Variants in NDUFAF6 observed in about 807,000 individuals in gnomAD.
NDUFAF6 encodes NADH:ubiquinone oxidoreductase complex assembly factor 6.
In NDUFAF6, 45 loss-of-function variants were observed where a neutral mutation model predicts 40.8. That is an observed-to-expected ratio of 1.10 (90% CI 0.87 to 1.42). The LOEUF (loss-of-function observed/expected upper bound fraction) is 1.42, where lower values mean the gene tolerates loss of function less well. Ranked by LOEUF, NDUFAF6 falls within the 40% of genes most tolerant of loss-of-function variation. NDUFAF6 has a pLI of 0.00. For missense variants in NDUFAF6, 435 were observed against 418.5 expected (o/e 1.04, Z -0.34); for synonymous variants, 185 against 155.9 (o/e 1.19, Z -1.39).
chr8:95,106,448 G>T (rs1447777701), downstream of NDUFAF6, among the ~76,000 whole-genome samples: 1 of 152,088 alleles, frequency 6.6e-6, no homozygotes, highest in Non-Finnish European at 1.5e-5. Context: ...ACTGAAACTG[G>T]ACCCCTTCCT....
At chr8:95,080,781 T>A (rs1808834269), downstream of NDUFAF6, among the ~76,000 whole-genome samples, 1 of 152,154 alleles carries the variant, frequency 6.6e-6, no homozygotes, top group Non-Finnish European at 1.5e-5. Flanking sequence ...GTGCTGAGAT[T>A]ACAGGCATGA....
intron 2 of NDUFAF6, among the ~76,000 whole-genome samples, chr8:94,998,403 C>T (rs1173318082): frequency 6.6e-6 from 1 of 152,028 alleles, no homozygotes; most frequent in African/African-American, 2.4e-5. Context: ...CACACACACA[C>T]ACACACACAC....
At chr8:94,955,475 C>T (rs1563745878), upstream of NDUFAF6, among the ~76,000 whole-genome samples, 1 of 152,232 alleles carries the variant, frequency 6.6e-6, no homozygotes. Context: ...AAAGGTCCAC[C>T]TGTCAACACT....
chr8:95,049,472 A>G (rs73276497), intron 7 of NDUFAF6, among the ~76,000 whole-genome samples: 4,639 of 152,218 alleles, frequency 0.03, 244 homozygotes, highest in African/African-American at 0.1. Flanking sequence ...TCTCCTTGAA[A>G]TGTGTCTTGA....
chr8:95,030,042 T>C (rs1828651313), intron 1 of NDUFAF6, among the ~76,000 whole-genome samples: 1 of 152,194 alleles, frequency 6.6e-6, no homozygotes, highest in Non-Finnish European at 1.5e-5. Context: ...TGATGATTTT[T>C]ATCTGAATCA....
At chr8:95,074,198 A>T (rs1563854502) in intron 9 of NDUFAF6, among the ~76,000 whole-genome samples, 2 of 152,048 alleles carry the variant, frequency 1.3e-5, no homozygotes, top group South Asian at 4.1e-4. Context: ...AAAATTCTCT[A>T]TAATAAGGTT....
upstream of NDUFAF6, among the ~76,000 whole-genome samples, chr8:95,023,915 C>T (rs528710456): frequency 1.3e-5 from 2 of 151,412 alleles, no homozygotes; most frequent in East Asian, 3.9e-4. Flanking sequence ...CGCTTGAACC[C>T]GGGAGGCGGA....
chr8:94,922,960 C>T (rs1819606615), intron 1 of NDUFAF6, among the ~76,000 whole-genome samples: 1 of 152,154 alleles, frequency 6.6e-6, no homozygotes. Flanking sequence ...GGCCGTGATC[C>T]CCACAAGAGT....
At chr8:95,100,562 T>C (rs1587276077) in intron 1 of NDUFAF6, 1 of 152,236 alleles carries the variant, frequency 6.6e-6, no homozygotes, top group Non-Finnish European at 1.5e-5. Flanking sequence ...TGTTTGTTTA[T>C]GTTAAACCAA....
intron 8 of NDUFAF6, among the ~76,000 whole-genome samples, chr8:95,056,775 A>G (rs1004833800): frequency 6.6e-6 from 1 of 151,884 alleles, no homozygotes; most frequent in African/African-American, 2.4e-5. Context: ...GGATGGTGTC[A>G]TGCACCTGTA....
intron 1 of NDUFAF6, chr8:94,940,741 C>CA: frequency 2.2e-6 from 2 of 922,834 alleles, no homozygotes; most frequent in East Asian, 5.0e-5. Context: ...GAAAACCCCT[C>CA]AGTTATTGGT....
At chr8:94,948,610 G>C (rs1822229492) in intron 2 of NDUFAF6, among the ~76,000 whole-genome samples, 1 of 152,162 alleles carries the variant, frequency 6.6e-6, no homozygotes, top group African/African-American at 2.4e-5. Context: ...CAGGCGCAGG[G>C]GACGGGATCG....
At chr8:94,940,999 C>A in intron 1 of NDUFAF6, 1 of 1,392,958 alleles carries the variant, frequency 7.2e-7, no homozygotes, top group Non-Finnish European at 1.0e-6. Context: ...ATTTCAAAAC[C>A]TTGTCTTTAG....
intron 1 of NDUFAF6, among the ~76,000 whole-genome samples, chr8:94,902,277 G>A (rs1326509149): frequency 6.6e-6 from 1 of 151,028 alleles, no homozygotes; most frequent in African/African-American, 2.4e-5. Context: ...AAATTAGCTT[G>A]GTGTGGTGAC....
chr8:94,923,681 CTT>C (rs34801186), intron 1 of NDUFAF6, among the ~76,000 whole-genome samples: 13 of 139,846 alleles, frequency 9.3e-5, no homozygotes, highest in East Asian at 2.1e-4. Context: ...CTGAATTTTA[CTT>C]TTTTTTTTTT....
intron 1 of NDUFAF6, among the ~76,000 whole-genome samples, chr8:95,030,692 G>C (rs1026230450): frequency 6.6e-6 from 1 of 152,148 alleles, no homozygotes; most frequent in African/African-American, 2.4e-5. Context: ...TATTTTCCCT[G>C]CCCTAGGAAT....
At chr8:94,933,943 G>C (rs1489860166) in intron 1 of NDUFAF6, among the ~76,000 whole-genome samples, 4 of 149,372 alleles carry the variant, frequency 2.7e-5, no homozygotes. Context: ...TAGTGGCGGT[G>C]GCACATGCCT....
At chr8:94,953,711 G>C (rs1207644930), upstream of NDUFAF6, among the ~76,000 whole-genome samples, 1 of 152,202 alleles carries the variant, frequency 6.6e-6, no homozygotes, top group Non-Finnish European at 1.5e-5. Flanking sequence ...GTGCCTTTCT[G>C]CTCTTCTCAA....
chr8:94,939,399 A>T (rs1821298018), intron 1 of NDUFAF6, among the ~76,000 whole-genome samples: 5 of 152,024 alleles, frequency 3.3e-5, no homozygotes, highest in Admixed American at 3.3e-4. Context: ...TCTAAAATGA[A>T]CAAGTTTTTG....
Sources: gnomAD v4.1 joint callset for allele counts (sites outside exome capture counted in the v4.1 genomes callset) on GRCh38, gnomAD v4.1.1 for gene constraint, MANE v1.5 for transcripts, NCBI Gene and HGNC (gene_info 2026-07-23, HGNC 2026-07-21) for gene names.